MALRD1: variants seen among roughly 807,000 people sequenced by gnomAD.
The protein encoded by MALRD1 is MAM and LDL receptor class A domain containing 1.
MALRD1 carries 247 observed loss-of-function variants against 242.1 expected under a neutral mutation model. The observed-to-expected ratio is 1.02, with a 90% CI of 0.92 to 1.13. MALRD1 has a LOEUF of 1.13. Among genes scored for constraint, MALRD1 ranks in the 50% most tolerant of loss-of-function variants. The pLI is 0.00. For missense variants in MALRD1, 2,989 were observed against 2,533.1 expected, an observed-to-expected ratio of 1.18 and a Z score of -3.86; for synonymous variants, 995 against 866.6, an observed-to-expected ratio of 1.15 and a Z score of -2.60.
intron 38 of MALRD1, 39 bp from the exon 39 acceptor site, chr10:19,730,667 C>G: frequency 6.6e-7 from 1 of 1,519,832 alleles, no homozygotes; most frequent in Non-Finnish European, 8.8e-7. Flanking sequence ...TGGTAAATGT[C>G]AATAGTTTTT....
At chr10:19,388,848 G>A (rs1285205652) in intron 27 of MALRD1, among the ~76,000 whole-genome samples, 4 of 88,608 alleles carry the variant, frequency 4.5e-5, no homozygotes, top group Admixed American at 1.5e-4. Context: ...CATAGGCAAA[G>A]AAGTCTAAAT....
At chr10:19,277,246 A>G (rs77406852) in intron 19 of MALRD1, among the ~76,000 whole-genome samples, 3,640 of 152,190 alleles carry the variant, frequency 0.024, 150 homozygotes, top group African/African-American at 0.083. Flanking sequence ...TCTTATCCCT[A>G]AAAACTGACT....
At chr10:19,460,273 T>G (rs76768315) in intron 29 of MALRD1, among the ~76,000 whole-genome samples, 166 of 152,224 alleles carry the variant, frequency 1.1e-3, no homozygotes, top group African/African-American at 3.8e-3. Flanking sequence ...CAGTTGAACT[T>G]GAGTAGATGT....
At chr10:19,155,051 A>G (rs1225540715) in intron 11 of MALRD1, 24 bp from the exon 12 acceptor site, 2 of 1,217,002 alleles carry the variant, frequency 1.6e-6, no homozygotes, top group South Asian at 4.2e-5. Flanking sequence ...TTGCATCCCT[A>G]TGACTTTCCC....
At chr10:19,050,322 C>T (rs1482035537) in intron 1 of MALRD1, among the ~76,000 whole-genome samples, 8 of 151,088 alleles carry the variant, frequency 5.3e-5, no homozygotes, top group African/African-American at 1.7e-4. Flanking sequence ...CTCCTGACCT[C>T]GTGATCCGCC....
chr10:19,424,957 G>C (rs966033559), intron 28 of MALRD1, among the ~76,000 whole-genome samples: 3 of 151,796 alleles, frequency 2.0e-5, no homozygotes, highest in African/African-American at 7.3e-5. Context: ...AAAAAATAAA[G>C]GCAACAAAGG....
chr10:19,542,241 A>G (rs1001182275), intron 32 of MALRD1, among the ~76,000 whole-genome samples: 8 of 152,262 alleles, frequency 5.3e-5, no homozygotes, highest in African/African-American at 1.7e-4. Context: ...TCTGAAGCTG[A>G]ATATTATTTC....
chr10:19,614,623 CACA>C (rs1764987466), intron 35 of MALRD1, among the ~76,000 whole-genome samples: 1 of 151,946 alleles, frequency 6.6e-6, no homozygotes, highest in African/African-American at 2.4e-5. Flanking sequence ...TTCATATGAA[CACA>C]ACATCAGGAG....
At chr10:19,147,057 A>G (rs1833750032) in intron 11 of MALRD1, among the ~76,000 whole-genome samples, 1 of 152,082 alleles carries the variant, frequency 6.6e-6, no homozygotes. Context: ...GTGTCTCGCC[A>G]TGTTGCCCAG....
chr10:19,267,332 C>A (rs1470603265), intron 19 of MALRD1, among the ~76,000 whole-genome samples: 2 of 151,968 alleles, frequency 1.3e-5, no homozygotes, highest in Non-Finnish European at 2.9e-5. Flanking sequence ...GCACATTGTA[C>A]AACTGATGAT....
At chr10:19,528,517 C>T (rs1388615289) in intron 31 of MALRD1, among the ~76,000 whole-genome samples, 2 of 152,150 alleles carry the variant, frequency 1.3e-5, no homozygotes, top group African/African-American at 2.4e-5. Flanking sequence ...CGCTTGAACC[C>T]GGGAGGCAGA....
At chr10:19,317,388 T>A (rs552645515) in intron 21 of MALRD1, among the ~76,000 whole-genome samples, 27 of 152,066 alleles carry the variant, frequency 1.8e-4, no homozygotes, top group Non-Finnish European at 3.7e-4. Flanking sequence ...CCCCACTCCT[T>A]AATAACATTA....
At chr10:19,443,189 A>G (rs1834768346) in intron 28 of MALRD1, among the ~76,000 whole-genome samples, 1 of 151,464 alleles carries the variant, frequency 6.6e-6, no homozygotes, top group Non-Finnish European at 1.5e-5. Flanking sequence ...TTTTTATTGC[A>G]TCTATTTGAT....
chr10:19,061,125 G>A (rs1478329523), intron 1 of MALRD1, among the ~76,000 whole-genome samples: 4 of 152,280 alleles, frequency 2.6e-5, no homozygotes, highest in African/African-American at 7.2e-5. Context: ...TCAGAGGGTG[G>A]CGGGTCATCA....
intron 14 of MALRD1, among the ~76,000 whole-genome samples, chr10:19,193,709 G>A (rs1429628053): frequency 2.6e-5 from 4 of 152,052 alleles, no homozygotes; most frequent in South Asian, 4.1e-4. Context: ...GGTAATAAGA[G>A]TTCCCTGTGA....
intron 36 of MALRD1, among the ~76,000 whole-genome samples, chr10:19,653,760 T>G (rs926896658): frequency 2.0e-5 from 3 of 152,098 alleles, no homozygotes; most frequent in Non-Finnish European, 2.9e-5. Context: ...TCTACGTAAA[T>G]TTCAGAGTAA....
intron 33 of MALRD1, among the ~76,000 whole-genome samples, chr10:19,594,609 TAAAG>T (rs1396813485): frequency 2.0e-5 from 3 of 152,060 alleles, no homozygotes; most frequent in Non-Finnish European, 4.4e-5. Flanking sequence ...AACAAGTTGA[TAAAG>T]AAAATGTAGT....
At chr10:19,052,091 A>G in intron 1 of MALRD1, 3 of 443,142 alleles carry the variant, frequency 6.8e-6, no homozygotes, top group Non-Finnish European at 1.3e-5. Flanking sequence ...GAGCCATGTC[A>G]GGGCTAGCAA....
At chr10:19,416,044 A>G (rs987012414) in intron 28 of MALRD1, among the ~76,000 whole-genome samples, 1 of 152,226 alleles carries the variant, frequency 6.6e-6, no homozygotes, top group African/African-American at 2.4e-5. Flanking sequence ...TTAGTAAGAA[A>G]GTGCAGGTTG....
Sources: gnomAD v4.1 joint callset for allele counts (sites outside exome capture counted in the v4.1 genomes callset) on GRCh38, gnomAD v4.1.1 for gene constraint, MANE v1.5 for transcripts, NCBI Gene and HGNC (gene_info 2026-07-23, HGNC 2026-07-21) for gene names.